PVT1: variants seen among roughly 807,000 people sequenced by gnomAD.
PVT1 encodes the protein Pvt1 oncogene.
intron 4 of PVT1, among the ~76,000 whole-genome samples, chr8:128,044,222 CT>C (rs11453170): frequency 2.0e-5 from 3 of 149,088 alleles, no homozygotes; most frequent in Admixed American, 1.3e-4. Flanking sequence ...TCCATCTCCC[CT>C]TTTTTTTTCT....
intron 2 of PVT1, among the ~76,000 whole-genome samples, chr8:127,854,960 C>T (rs949548699): frequency 7.9e-5 from 12 of 152,158 alleles, no homozygotes; most frequent in Non-Finnish European, 1.3e-4. Flanking sequence ...ACCCATTTCA[C>T]GGTTGAAGAA....
chr8:128,057,775 G>A (rs532590924), intron 4 of PVT1, among the ~76,000 whole-genome samples: 4 of 152,314 alleles, frequency 2.6e-5, no homozygotes, highest in African/African-American at 9.6e-5. Flanking sequence ...CCCCCACGGT[G>A]TGTGCGGGGC....
intron 5 of PVT1, among the ~76,000 whole-genome samples, chr8:128,088,441 T>G (rs1814286081): frequency 6.6e-6 from 1 of 151,822 alleles, no homozygotes; most frequent in Non-Finnish European, 1.5e-5. Context: ...AGAAAGATGT[T>G]GGGGCAGGGG....
At chr8:128,053,917 C>T (rs1048682475) in intron 4 of PVT1, among the ~76,000 whole-genome samples, 1 of 152,208 alleles carries the variant, frequency 6.6e-6, no homozygotes, top group Non-Finnish European at 1.5e-5. Flanking sequence ...CTCTGATCTT[C>T]CTGCATACAA....
chr8:127,958,644 G>A (rs957393742), intron 3 of PVT1, among the ~76,000 whole-genome samples: 14 of 152,248 alleles, frequency 9.2e-5, no homozygotes, highest in African/African-American at 3.1e-4. Flanking sequence ...AAAGTCAGGC[G>A]CCAGAGGTAG....
intron 4 of PVT1, among the ~76,000 whole-genome samples, chr8:128,002,602 T>C (rs1228456439): frequency 6.6e-6 from 1 of 152,190 alleles, no homozygotes; most frequent in East Asian, 1.9e-4. Context: ...TCCTTGGCGC[T>C]CTTTGGCTTG....
chr8:127,891,310 T>C (rs1381327355), intron 3 of PVT1, among the ~76,000 whole-genome samples: 1 of 152,228 alleles, frequency 6.6e-6, no homozygotes, highest in Non-Finnish European at 1.5e-5. Context: ...TCTCTCATGC[T>C]GCAGAAAGGG....
rs539610334 is a variant in PVT1 at position 127,813,028 on chromosome 8, C to G, written n.372+16957C>G. Among the ~76,000 whole-genome samples, 17 of 151,690 alleles carry G rather than the reference C, an allele frequency of 1.1e-4. No individual in the cohort carries two copies. The East Asian group carries it at 2.9e-3, about 26-fold the overall frequency. Reference sequence around the variant, plus strand: ...TAGGTACAATCTGGAGTAATGTTATCTAGTACTACTAATAGCGATATTAAA... The same window carrying G: ...TAGGTACAATCTGGAGTAATGTTATGTAGTACTACTAATAGCGATATTAAA... On this transcript the variant is annotated intron_variant and non_coding_transcript_variant, in intron 2 of 10. Coordinates refer to ENST00000651587, the Ensembl canonical transcript of PVT1.
chr8:127,984,931 T>TTC (rs1237780507), intron 3 of PVT1, among the ~76,000 whole-genome samples: 16 of 133,976 alleles, frequency 1.2e-4, no homozygotes, highest in South Asian at 2.4e-4. Context: ...CTCTTTCTCT[T>TTC]TCTTTCTTTC....
chr8:127,917,237 C>T (rs1032048684), intron 3 of PVT1, among the ~76,000 whole-genome samples: 10 of 152,192 alleles, frequency 6.6e-5, no homozygotes, highest in African/African-American at 2.4e-4. Flanking sequence ...CATTTCCTAG[C>T]CAGCTCTCTG....
At chr8:127,998,359 G>A (rs1586474149) in intron 4 of PVT1, 1 of 152,166 alleles carries the variant, frequency 6.6e-6, no homozygotes, top group East Asian at 1.9e-4. Context: ...TGGACTTGCA[G>A]GTATTTATTT....
intron 4 of PVT1, among the ~76,000 whole-genome samples, chr8:128,068,814 ATG>A (rs1380424733): frequency 2.0e-5 from 3 of 152,194 alleles, no homozygotes; most frequent in Non-Finnish European, 4.4e-5. Context: ...TATTTTAAGA[ATG>A]TGTCAGAGCC....
intron 2 of PVT1, among the ~76,000 whole-genome samples, chr8:127,875,890 T>G (rs1449956439): frequency 6.6e-6 from 1 of 152,230 alleles, no homozygotes; most frequent in Non-Finnish European, 1.5e-5. Flanking sequence ...TCACTCGTAT[T>G]CTTTTTTATC....
intron 3 of PVT1, among the ~76,000 whole-genome samples, chr8:127,970,128 C>T (rs1816746527): frequency 6.6e-6 from 1 of 152,052 alleles, no homozygotes; most frequent in South Asian, 2.1e-4. Context: ...ACCATATGAG[C>T]AGGAATTGTG....
At chr8:127,841,165 C>T (rs1200749835) in intron 2 of PVT1, among the ~76,000 whole-genome samples, 1 of 152,258 alleles carries the variant, frequency 6.6e-6, no homozygotes, top group Non-Finnish European at 1.5e-5. Flanking sequence ...GTGCCTGGCA[C>T]ATAGTACCTG....
chr8:127,838,806 G>A (rs988206956), intron 2 of PVT1, among the ~76,000 whole-genome samples: 4 of 152,130 alleles, frequency 2.6e-5, no homozygotes, highest in Admixed American at 2.0e-4. Context: ...TTTCATCTTC[G>A]TTATAACCCT....
chr8:127,802,951 G>T (rs1814482025), intron 2 of PVT1, among the ~76,000 whole-genome samples: 1 of 152,064 alleles, frequency 6.6e-6, no homozygotes, highest in Non-Finnish European at 1.5e-5. Flanking sequence ...CTGGGTCTTG[G>T]TGACAGCAGT....
intron 3 of PVT1, among the ~76,000 whole-genome samples, chr8:127,955,123 G>T (rs752225259): frequency 2.0e-5 from 3 of 152,134 alleles, no homozygotes; most frequent in Non-Finnish European, 4.4e-5. Flanking sequence ...TTAGAATTAG[G>T]CTATTAGGGT....
chr8:127,937,574 C>CAGAGAGAGAGAG (rs1403061270), intron 3 of PVT1, among the ~76,000 whole-genome samples: 44 of 96,270 alleles, frequency 4.6e-4, no homozygotes, highest in Middle Eastern at 6.6e-3. Flanking sequence ...CACACACACA[C>CAGAGAGAGAGAG]ACACACAGAG....
Sources: allele counts gnomAD v4.1 joint callset (sites outside exome capture counted in the v4.1 genomes callset), GRCh38; gene constraint gnomAD v4.1.1; transcripts MANE v1.5; gene names NCBI Gene and HGNC (gene_info 2026-07-23, HGNC 2026-07-21).